The following BIN3 variants were observed in gnomAD, a reference collection of about 807,000 sequenced individuals.
BIN3 encodes bridging integrator 3.
A neutral mutation model predicts 38.2 loss-of-function variants in BIN3; 41 were observed. The ratio of observed to expected loss-of-function variants is 1.07; its 90% CI spans 0.84 to 1.39. The LOEUF is 1.39. Ranked by LOEUF, BIN3 falls within the 40% of genes most tolerant of loss-of-function variation. The probability of loss-of-function intolerance (pLI) is 0.00; values close to 1 mark genes in which losing one functional copy is unlikely to be tolerated. For synonymous variants in BIN3, 145 were observed against 122.6 expected (o/e 1.18, Z -1.21); for missense variants, 361 against 324.3 (o/e 1.11, Z -0.87).
At chr8:22,666,784 C>T (rs1349754542) in intron 1 of BIN3, among the ~76,000 whole-genome samples, 1 of 152,176 alleles carries the variant, frequency 6.6e-6, no homozygotes, top group Non-Finnish European at 1.5e-5. Flanking sequence ...GGACCATGGG[C>T]CATGTGCCTT....
chr8:22,625,634 C>T lies in BIN3; in HGVS notation c.339-1271G>A, dbSNP rs1049891392. The T allele has an allele frequency of 3.5e-4, 194 of 549,678 alleles. 1 individual carries two copies. Among genetic ancestry groups the T allele is most frequent in the Admixed American group, 2.2e-3 (74 of 33,074 alleles). The allele number at this position is 549,678 out of a possible 1,614,324, so 34.1% of individuals were successfully genotyped here. Reference sequence around the variant, plus strand: ...ACAGAGTCTTGCTCTCTCACCCAGGCTGGAGTACAGTGGTATGATCTCTGC... The same window carrying T: ...ACAGAGTCTTGCTCTCTCACCCAGGTTGGAGTACAGTGGTATGATCTCTGC... On this transcript the variant is annotated intron_variant, in intron 6 of 8. Coordinates refer to ENST00000276416, the MANE Select transcript of BIN3 (RefSeq NM_018688.6).
chr8:22,636,043 T>C (rs1802354778), intron 4 of BIN3, among the ~76,000 whole-genome samples: 1 of 152,176 alleles, frequency 6.6e-6, no homozygotes, highest in Non-Finnish European at 1.5e-5. Context: ...CCGGTGCCCT[T>C]TGTCATCATA....
chr8:22,645,749 T>C (rs549834521), intron 1 of BIN3, among the ~76,000 whole-genome samples: 275 of 152,342 alleles, frequency 1.8e-3, no homozygotes, highest in African/African-American at 6.4e-3. Flanking sequence ...ATTAGGTGCT[T>C]TGCTACTTCT....
At chr8:22,659,200 G>A (rs1803153147) in intron 1 of BIN3, among the ~76,000 whole-genome samples, 1 of 152,232 alleles carries the variant, frequency 6.6e-6, no homozygotes, top group African/African-American at 2.4e-5. Context: ...CCTGAGCAAG[G>A]CGGAGACCCC....
intron 1 of BIN3, among the ~76,000 whole-genome samples, chr8:22,650,804 A>G (rs1450380951): frequency 6.6e-6 from 1 of 152,252 alleles, no homozygotes; most frequent in Non-Finnish European, 1.5e-5. Context: ...GAAGATGAAG[A>G]TTTAAAATTA....
At chr8:22,649,515 C>T (rs552326476) in intron 1 of BIN3, among the ~76,000 whole-genome samples, 8 of 152,144 alleles carry the variant, frequency 5.3e-5, no homozygotes, top group African/African-American at 1.9e-4. Flanking sequence ...AACCCAGCCA[C>T]GATTCCGCAT....
intron 1 of BIN3, among the ~76,000 whole-genome samples, chr8:22,652,379 C>A (rs1386417835): frequency 6.6e-6 from 1 of 152,244 alleles, no homozygotes; most frequent in Non-Finnish European, 1.5e-5. Flanking sequence ...TCCCTGATGT[C>A]ACTATCTTTC....
Position 22,667,296 on chromosome 8 carries a change from C to T in BIN3, c.8+1748G>A, listed in dbSNP as rs536539326. ...AGGATAACCTTTAAGGAATGGGCTACTATTTTTTCAGAAGGGAAACTTTCT... is the reference window on the plus strand; with the variant it reads ...AGGATAACCTTTAAGGAATGGGCTATTATTTTTTCAGAAGGGAAACTTTCT... On this transcript the variant is annotated intron_variant, in intron 1 of 8. Transcript: ENST00000276416. 3.1e-4 allele frequency among the ~76,000 whole-genome samples: 46 copies of T among 149,228 alleles called. 1 individual carries two copies. The highest frequency in any genetic ancestry group is 3.4e-3 in the Middle Eastern group (1 of 294).
rs1164301223 is a variant in BIN3, at chr8:22,651,048, AAG to A, written c.9-6247_9-6246del. 6.1e-4 allele frequency among the ~76,000 whole-genome samples: 93 copies of A among 152,324 alleles called. 2 individuals carry two copies. Among genetic ancestry groups the A allele is most frequent in the African/African-American group, 2.2e-3 (92 of 41,574 alleles). The stretch of plus-strand genomic sequence containing the variant: ...CCGATGTACTGAGTCACAAACTCGT[AAG>A]AGTTTCCAAGTCAAAGCTCCAGCTA... On this transcript the variant is annotated intron_variant, in intron 1 of 8. Coordinates refer to ENST00000276416, the MANE Select transcript of BIN3 (RefSeq NM_018688.6).
chr8:22,624,242 C>A lies in BIN3; in HGVS notation c.460G>T (p.Val154Leu). The part of the protein sequence containing the change: ...KYEEKEKTGP[V>L]LAKLHQAREE... ...GGTACCTGGTGGAGCTTGGCCAGCA[C>A]TGGCCCCGTCTTCTCCTTTTCCTCA... The change falls in exon 7 of 9, where the codon GTG (valine) becomes TTG (leucine). Residue 154 changes from valine (V) to leucine (L), a missense_variant. Val to Leu is a conservative substitution (Grantham distance 32). Transcript: ENST00000276416. 2 of 1,613,806 alleles carry A rather than the reference C, an allele frequency of 1.2e-6. No homozygotes were observed. Among genetic ancestry groups the A allele is most frequent in the African/African-American group, 1.3e-5 (1 of 75,068 alleles).
rs1302159970 is a variant in BIN3 at position 22,645,573 on chromosome 8, AAGGC to A, written c.9-774_9-771del. 3.5e-3 allele frequency among the ~76,000 whole-genome samples: 507 copies of A among 143,292 alleles called. 1 individual carries two copies. Among genetic ancestry groups the A allele is most frequent in the African/African-American group, 0.011 (430 of 39,058 alleles). 94.0% of individuals were successfully genotyped at this position (143,292 alleles called of 152,430 possible). A position where few individuals can be genotyped will look rare whatever the true frequency, so the allele number is the denominator to read the frequency against. ...AAGGAAAGGAAAGGGGAAGAGAGGA[AAGGC>A]GAGGATGGCAGGAAAGGGAAGACAC... On this transcript the variant is annotated intron_variant, in intron 1 of 8. Coordinates refer to ENST00000276416, the MANE Select transcript of BIN3 (RefSeq NM_018688.6).
At chr8:22,625,080 G>C in intron 6 of BIN3, 1 of 437,306 alleles carries the variant, frequency 2.3e-6, no homozygotes, top group Non-Finnish European at 4.1e-6. Context: ...GCTGCTTCAG[G>C]AAAATGCCCT....
chr8:22,648,251 C>T (rs1457300991), intron 1 of BIN3, among the ~76,000 whole-genome samples: 1 of 152,008 alleles, frequency 6.6e-6, no homozygotes, highest in African/African-American at 2.4e-5. Flanking sequence ...GTACATTGGT[C>T]ACAAACAATG....
chr8:22,633,581 T>C (rs1802277493), intron 4 of BIN3, among the ~76,000 whole-genome samples: 1 of 152,268 alleles, frequency 6.6e-6, no homozygotes, highest in African/African-American at 2.4e-5. Context: ...AGGTCATCTT[T>C]TTTAGAATAA....
rs549392321 is a variant in BIN3 at position 22,661,038 on chromosome 8, T to C, written c.8+8006A>G. Among the ~76,000 whole-genome samples, 12 of 152,184 alleles carry C rather than the reference T, an allele frequency of 7.9e-5. No individual in the cohort carries two copies. The South Asian group carries it at 2.5e-3, about 32-fold the overall frequency. On this transcript the variant is annotated intron_variant, in intron 1 of 8. Coordinates refer to ENST00000276416, the MANE Select transcript of BIN3 (RefSeq NM_018688.6). ...TGCTGGGACTACAGGCTTGCACCACTACCCCTGGCTAATTTTTAATTTTCT... is the reference window on the plus strand; with the variant it reads ...TGCTGGGACTACAGGCTTGCACCACCACCCCTGGCTAATTTTTAATTTTCT...
At chr8:22,639,495 G>A (rs1802471597) in intron 2 of BIN3, among the ~76,000 whole-genome samples, 1 of 152,204 alleles carries the variant, frequency 6.6e-6, no homozygotes, top group Non-Finnish European at 1.5e-5. Context: ...GCCTCCCAAA[G>A]TGCTGGGATT....
chr8:22,634,154 G>A (rs752944314), intron 4 of BIN3, among the ~76,000 whole-genome samples: 1 of 152,218 alleles, frequency 6.6e-6, no homozygotes, highest in Non-Finnish European at 1.5e-5. Context: ...AGCAGCTCCC[G>A]AACTGGAAAG....
rs2117614724 is a variant in BIN3 at position 22,669,099 on chromosome 8, T to C, written c.-48A>G. The C allele has an allele frequency of 6.3e-7, 1 of 1,577,304 alleles. No homozygotes were observed. Among genetic ancestry groups the C allele is most frequent in the Non-Finnish European group, 8.6e-7 (1 of 1,161,492 alleles). Reference sequence around the variant, plus strand: ...CCGGGGTCCTCAGCCACAACTCGTTTCTCTAGGGTCACTTCCGGATTCAAC... The same window carrying C: ...CCGGGGTCCTCAGCCACAACTCGTTCCTCTAGGGTCACTTCCGGATTCAAC... On this transcript the variant is annotated 5_prime_UTR_variant, in exon 1 of 9. Transcript: ENST00000276416.
chr8:22,631,233 G>A (rs1216646837), intron 4 of BIN3, among the ~76,000 whole-genome samples: 1 of 152,166 alleles, frequency 6.6e-6, no homozygotes, highest in African/African-American at 2.4e-5. Context: ...AGTAGGAAGA[G>A]ATACGCTGGA....
Sources: gnomAD v4.1 joint callset for allele counts (sites outside exome capture counted in the v4.1 genomes callset) on GRCh38, gnomAD v4.1.1 for gene constraint, MANE v1.5 for transcripts, NCBI Gene and HGNC (gene_info 2026-07-23, HGNC 2026-07-21) for gene names.